The following TMEM272 variants were observed in gnomAD, a reference collection of about 807,000 sequenced individuals.
TMEM272 encodes long intergenic non-protein coding RNA 282.
Under a neutral mutation model 3.7 loss-of-function variants are expected in TMEM272, and 8 were observed. The ratio of observed to expected loss-of-function variants is 2.17; its 90% CI spans 1.27 to 3.91. The LOEUF (loss-of-function observed/expected upper bound fraction) is 3.91, where lower values mean the gene tolerates loss of function less well. Among genes scored for constraint, TMEM272 ranks in the 30% most tolerant of loss-of-function variants. TMEM272 has a pLI of 0.00. For missense variants in TMEM272, 166 were observed against 91.5 expected, an observed-to-expected ratio of 1.81 and a Z score of -3.32; for synonymous variants, 63 against 39.8, an observed-to-expected ratio of 1.58 and a Z score of -2.20.
chr13:51,832,957 G>A (rs1956185348), intron 2 of TMEM272, among the ~76,000 whole-genome samples: 1 of 152,190 alleles, frequency 6.6e-6, no homozygotes, highest in Non-Finnish European at 1.5e-5. Context: ...TGTGTGGAAG[G>A]GACCAGCAGG....
the TMEM272 span, among the ~76,000 whole-genome samples, chr13:51,858,367 A>G: frequency 2.6e-5 from 4 of 152,242 alleles, no homozygotes; most frequent in African/African-American, 9.6e-5. Context: ...GCAAATTGAA[A>G]TGATTGAAAT....
the TMEM272 span, among the ~76,000 whole-genome samples, chr13:51,895,592 A>T: frequency 1.3e-5 from 2 of 152,040 alleles, no homozygotes; most frequent in Non-Finnish European, 2.9e-5. Context: ...ACAGGGCCTG[A>T]AGCTAGGGCT....
chr13:51,890,126 T>A, the TMEM272 span, among the ~76,000 whole-genome samples: 2 of 152,154 alleles, frequency 1.3e-5, no homozygotes, highest in African/African-American at 2.4e-5. Flanking sequence ...GCAGTCCTCA[T>A]CTTTGAGCAC....
chr13:51,863,520 A>G, the TMEM272 span, among the ~76,000 whole-genome samples: 1 of 152,068 alleles, frequency 6.6e-6, no homozygotes, highest in Admixed American at 6.5e-5. Context: ...GATCTCGGCT[A>G]GGAGGGCTTG....
At chr13:51,825,745 G>A (rs748888009) in intron 3 of TMEM272, among the ~76,000 whole-genome samples, 1 of 151,182 alleles carries the variant, frequency 6.6e-6, no homozygotes, top group South Asian at 2.1e-4. Context: ...ACAGGCACAC[G>A]CAACCACACC....
chr13:51,839,843 C>T (rs753961019), intron 1 of TMEM272, among the ~76,000 whole-genome samples: 2 of 152,218 alleles, frequency 1.3e-5, no homozygotes, highest in Non-Finnish European at 2.9e-5. Flanking sequence ...CCACTGCTAG[C>T]ACACAAGCAC....
the TMEM272 span, among the ~76,000 whole-genome samples, chr13:51,925,245 C>T: frequency 6.6e-6 from 1 of 152,190 alleles, no homozygotes; most frequent in Admixed American, 6.5e-5. Flanking sequence ...AGCTAAGCAC[C>T]TGGCAGGAAC....
the TMEM272 span, among the ~76,000 whole-genome samples, chr13:51,864,450 T>C: frequency 6.6e-6 from 1 of 152,228 alleles, no homozygotes; most frequent in African/African-American, 2.4e-5. Flanking sequence ...ACAATGGCAT[T>C]TAGTCTTGCT....
chr13:51,861,487 A>G, the TMEM272 span, among the ~76,000 whole-genome samples: 1 of 152,206 alleles, frequency 6.6e-6, no homozygotes, highest in East Asian at 1.9e-4. Flanking sequence ...TCAACAGCAT[A>G]TTTGAACTGA....
chr13:51,910,085 C>T, the TMEM272 span: 2 of 1,131,074 alleles, frequency 1.8e-6, no homozygotes, highest in East Asian at 2.4e-5. Flanking sequence ...GGGATTTTGA[C>T]TCATCTTCTA....
chr13:51,817,746 G>C (rs1216777951), intron 4 of TMEM272, among the ~76,000 whole-genome samples: 2 of 151,968 alleles, frequency 1.3e-5, no homozygotes, highest in South Asian at 2.1e-4. Context: ...CTCAGTCCTC[G>C]TACATCTTTC....
At chr13:51,905,129 C>G in the TMEM272 span, among the ~76,000 whole-genome samples, 1 of 152,204 alleles carries the variant, frequency 6.6e-6, no homozygotes, top group Non-Finnish European at 1.5e-5. Context: ...AGAGAAACAG[C>G]AGACAACACG....
At chr13:51,862,530 C>T in the TMEM272 span, among the ~76,000 whole-genome samples, 20 of 152,184 alleles carry the variant, frequency 1.3e-4, no homozygotes, top group African/African-American at 2.4e-4. Flanking sequence ...ACCCAGTAGA[C>T]GCCCATTCAT....
At chr13:51,837,004 C>A (rs2139581015) in intron 2 of TMEM272, among the ~76,000 whole-genome samples, 1 of 152,292 alleles carries the variant, frequency 6.6e-6, no homozygotes, top group South Asian at 2.1e-4. Context: ...AGGACCTCCC[C>A]AGAGGAGGTG....
At chr13:51,852,939 C>A in the TMEM272 span, among the ~76,000 whole-genome samples, 1 of 151,446 alleles carries the variant, frequency 6.6e-6, no homozygotes, top group African/African-American at 2.4e-5. Context: ...GAGCACTGAA[C>A]CTGTGCATAG....
At chr13:51,842,612 A>T (rs1430950467) in intron 1 of TMEM272, among the ~76,000 whole-genome samples, 2 of 151,980 alleles carry the variant, frequency 1.3e-5, no homozygotes, top group Non-Finnish European at 2.9e-5. Flanking sequence ...TTCCAGCCCA[A>T]CTGTTAGTAT....
chr13:51,842,188 G>A (rs1956269210), intron 1 of TMEM272, among the ~76,000 whole-genome samples: 3 of 152,230 alleles, frequency 2.0e-5, no homozygotes, highest in Non-Finnish European at 2.9e-5. Flanking sequence ...GGGCCACTGG[G>A]GCTGGGGTAG....
chr13:51,834,420 G>C (rs1380140950), intron 2 of TMEM272, among the ~76,000 whole-genome samples: 2 of 152,136 alleles, frequency 1.3e-5, no homozygotes, highest in African/African-American at 4.8e-5. Flanking sequence ...GACCCACAAA[G>C]CCCAGGGTTG....
At chr13:51,911,669 TTTTG>T in the TMEM272 span, among the ~76,000 whole-genome samples, 2 of 152,300 alleles carry the variant, frequency 1.3e-5, no homozygotes, top group South Asian at 4.1e-4. Flanking sequence ...GTTTTTTGCT[TTTTG>T]TTTGTTTTTG....
Sources: gnomAD v4.1 joint callset for allele counts (sites outside exome capture counted in the v4.1 genomes callset) on GRCh38, gnomAD v4.1.1 for gene constraint, MANE v1.5 for transcripts, NCBI Gene and HGNC (gene_info 2026-07-23, HGNC 2026-07-21) for gene names.